KCTD3: variants seen among roughly 807,000 people sequenced by gnomAD.
KCTD3 encodes the protein potassium channel tetramerization domain containing 3.
In KCTD3, 41 loss-of-function variants were observed where a neutral mutation model predicts 85.8. That is an observed-to-expected ratio of 0.48 (90% CI 0.37 to 0.62). KCTD3 has a LOEUF of 0.62. Ranked by LOEUF, KCTD3 falls within the 20% of genes least tolerant of loss-of-function variation. The pLI is 0.00. For synonymous variants in KCTD3, 338 were observed against 345.4 expected (o/e 0.98, Z 0.24); for missense variants, 724 against 989.9 (o/e 0.73, Z 3.60).
intron 10 of KCTD3, among the ~76,000 whole-genome samples, chr1:215,599,563 C>T (rs1019036242): frequency 1.3e-5 from 2 of 152,106 alleles, no homozygotes; most frequent in Non-Finnish European, 2.9e-5. Flanking sequence ...CATGACTGAA[C>T]CATGCATACT....
chr1:215,610,872 C>A lies in KCTD3; in HGVS notation c.1466-953C>A, dbSNP rs1456774105. Among the ~76,000 whole-genome samples, 5 of 151,880 alleles carry A rather than the reference C, an allele frequency of 3.3e-5. No homozygotes were observed. The East Asian group carries it at 5.8e-4, about 18-fold the overall frequency. On this transcript the variant is annotated intron_variant, in intron 14 of 17. Transcript: ENST00000259154. ...TATTTGGAAAGCATTTACGGTGGCACATAGTAAGTACAGTGTAAGTATTAG... is the reference window on the plus strand; with the variant it reads ...TATTTGGAAAGCATTTACGGTGGCAAATAGTAAGTACAGTGTAAGTATTAG...
At chr1:215,578,932 C>A in intron 6 of KCTD3, 68 bp from the exon 7 acceptor site, 2 of 1,095,308 alleles carry the variant, frequency 1.8e-6, no homozygotes, top group Non-Finnish European at 2.6e-6. Context: ...TTCTTTGTCA[C>A]AATGTGATAT....
chr1:215,609,264 G>T (rs73085455), intron 14 of KCTD3, among the ~76,000 whole-genome samples: 11 of 151,886 alleles, frequency 7.2e-5, no homozygotes, highest in African/African-American at 2.7e-4. Flanking sequence ...ACATTTGTTG[G>T]GTGTGGAAGG....
At chr1:215,615,614 C>T (rs868795725) in intron 15 of KCTD3, among the ~76,000 whole-genome samples, 2 of 147,704 alleles carry the variant, frequency 1.4e-5, no homozygotes, top group South Asian at 2.2e-4. Context: ...AGCAGGCCTC[C>T]GTCTCAAGAA....
intron 3 of KCTD3, among the ~76,000 whole-genome samples, chr1:215,575,045 A>G (rs796612367): frequency 3.3e-5 from 5 of 152,260 alleles, no homozygotes; most frequent in African/African-American, 1.2e-4. Flanking sequence ...TGAGGTCAGA[A>G]GTTCAAGACC....
rs187978963 is a variant in KCTD3, at chr1:215,577,906, C to T, written c.317-95C>T. The T allele has an allele frequency of 1.7e-5, 26 of 1,539,044 alleles. No homozygotes were observed. In the East Asian group the frequency reaches 5.7e-4, roughly 34 times the overall value. The stretch of plus-strand genomic sequence containing the variant: ...CTGACTTAATTAAAATTTTCCTTTT[C>T]TTTCCTTATCCTCTTGAACTAGAGA... On this transcript the variant is annotated intron_variant, in intron 5 of 17. Transcript: ENST00000259154.
Position 215,588,550 on chromosome 1 carries a change from T to C in KCTD3, c.817+1865T>C, listed in dbSNP as rs528033378. Among the ~76,000 whole-genome samples the C allele has an allele frequency of 4.6e-5, 7 of 152,226 alleles. No homozygotes were observed. In the East Asian group the frequency reaches 1.2e-3, roughly 25 times the overall value. On this transcript the variant is annotated intron_variant, in intron 9 of 17. Coordinates refer to ENST00000259154, the MANE Select transcript of KCTD3 (RefSeq NM_016121.5). ...TGTGCTAAGTAAGGTACCTGCTGTTTTTACCAAACGTTGCTTTGCATCATC... is the reference window on the plus strand; with the variant it reads ...TGTGCTAAGTAAGGTACCTGCTGTTCTTACCAAACGTTGCTTTGCATCATC...
Position 215,604,219 on chromosome 1 carries a change from C to T in KCTD3, c.1226C>T (p.Ser409Leu). 1.2e-6 allele frequency: 2 copies of T among 1,613,658 alleles called. No homozygotes were observed. The highest frequency in any genetic ancestry group is 1.7e-6 in the Non-Finnish European group (2 of 1,179,628). The change falls in exon 13 of 18, where the codon TCA becomes TTA. Residue 409 changes from serine to leucine, a missense_variant. By Grantham distance (145) the Ser-to-Leu change is moderately radical. Transcript: ENST00000259154. ...VIVQHPETVGSGPQLFQTFTV... is the reference protein window; with the variant it reads ...VIVQHPETVGLGPQLFQTFTV... ...GTACAACACCCAGAGACAGTTGGGTCAGGTCCTCAGCTTTTTCAGACTTTC... is the reference window on the plus strand; with the variant it reads ...GTACAACACCCAGAGACAGTTGGGTTAGGTCCTCAGCTTTTTCAGACTTTC...
rs763447871 is a variant in KCTD3 at position 215,567,662 on chromosome 1, C to G, written c.-24C>G. 193 of 1,226,672 alleles carry G rather than the reference C, an allele frequency of 1.6e-4. 1 individual carries two copies. In the Middle Eastern group the frequency reaches 3.8e-3, roughly 24 times the overall value. The allele number at this position is 1,226,672 out of a possible 1,614,324, so 76.0% of individuals were successfully genotyped here. A position where few individuals can be genotyped will look rare whatever the true frequency, so the allele number is the denominator to read the frequency against. On this transcript the variant is annotated 5_prime_UTR_variant, in exon 1 of 18. Transcript: ENST00000259154. Reference sequence around the variant, plus strand: ...GGTCCCGGCTGGGGAAGGAGGGCGGCGAGCGCGTCCGGAGCCGCCGGAGAT... The same window carrying G: ...GGTCCCGGCTGGGGAAGGAGGGCGGGGAGCGCGTCCGGAGCCGCCGGAGAT...
chr1:215,597,208 C>T (rs1339927924), intron 10 of KCTD3, among the ~76,000 whole-genome samples: 2 of 149,896 alleles, frequency 1.3e-5, no homozygotes, highest in South Asian at 2.1e-4. Flanking sequence ...AAAGCGTTGA[C>T]TCTGATTTGG....
rs1558249879 is a variant in KCTD3 at position 215,621,270 on chromosome 1, C to G, written c.*652C>G. The G allele has an allele frequency of 6.6e-6, 1 of 152,292 alleles. No homozygotes were observed. Among genetic ancestry groups the G allele is most frequent in the South Asian group, 2.1e-4 (1 of 4,826 alleles). 9.4% of individuals were successfully genotyped at this position (152,292 alleles called of 1,614,324 possible). ...TAGCAAGCATTAGCAATATTAAATG[C>G]CAAAATTCCATTGAAACTTTCAAGT... On this transcript the variant is annotated 3_prime_UTR_variant, in exon 18 of 18. Coordinates refer to ENST00000259154, the MANE Select transcript of KCTD3 (RefSeq NM_016121.5).
chr1:215,577,262 A>G (rs901431933), intron 4 of KCTD3, among the ~76,000 whole-genome samples: 3 of 152,058 alleles, frequency 2.0e-5, no homozygotes, highest in Admixed American at 2.0e-4. Context: ...CAGGGAATTT[A>G]TAGTGTAATT....
chr1:215,613,030 G>T (rs1454857411), intron 15 of KCTD3, among the ~76,000 whole-genome samples: 1 of 152,072 alleles, frequency 6.6e-6, no homozygotes, highest in Non-Finnish European at 1.5e-5. Context: ...AATAGCTAAT[G>T]GATGCTGGGT....
intron 10 of KCTD3, among the ~76,000 whole-genome samples, chr1:215,596,542 C>G (rs1165018944): frequency 1.3e-5 from 2 of 152,012 alleles, no homozygotes; most frequent in Non-Finnish European, 2.9e-5. Context: ...CAAAGGGACA[C>G]ATTATATGAT....
chr1:215,577,493 G>C (rs577797653), intron 4 of KCTD3, among the ~76,000 whole-genome samples, 177 bp from the exon 5 acceptor site: 1 of 152,112 alleles, frequency 6.6e-6, no homozygotes, highest in Admixed American at 6.5e-5. Flanking sequence ...TTCACATGCA[G>C]TTTTTATTTA....
chr1:215,580,975 G>A (rs1471389144), intron 8 of KCTD3: 1 of 466,812 alleles, frequency 2.1e-6, no homozygotes, highest in South Asian at 1.6e-5. Flanking sequence ...TTTTAAGAGT[G>A]TTTTGGCTGG....
At chr1:215,575,744 G>A (rs550156511) in intron 3 of KCTD3, among the ~76,000 whole-genome samples, 157 bp from the exon 4 acceptor site, 1 of 152,202 alleles carries the variant, frequency 6.6e-6, no homozygotes, top group African/African-American at 2.4e-5. Flanking sequence ...AATGCACACA[G>A]ACTACATTCC....
chr1:215,568,739 T>G (rs972000722), intron 1 of KCTD3, among the ~76,000 whole-genome samples: 6 of 152,182 alleles, frequency 3.9e-5, no homozygotes, highest in African/African-American at 1.4e-4. Context: ...TTTTAATGTC[T>G]TAGAACCATA....
rs376393927 is a variant in KCTD3 at position 215,591,075 on chromosome 1, T to C, written c.818-4281T>C. ...AAGGCTGTAGTTCTTATTTTTAAGATGTTGCTTTTCTGGAATCTTATTTAA... is the reference window on the plus strand; with the variant it reads ...AAGGCTGTAGTTCTTATTTTTAAGACGTTGCTTTTCTGGAATCTTATTTAA... On this transcript the variant is annotated intron_variant, in intron 9 of 17. Transcript: ENST00000259154. 1.2e-4 allele frequency among the ~76,000 whole-genome samples: 19 copies of C among 152,284 alleles called. No homozygotes were observed. The East Asian group carries it at 2.9e-3, about 23-fold the overall frequency.
Sources: allele counts gnomAD v4.1 joint callset (sites outside exome capture counted in the v4.1 genomes callset), GRCh38; gene constraint gnomAD v4.1.1; transcripts MANE v1.5; gene names NCBI Gene and HGNC (gene_info 2026-07-23, HGNC 2026-07-21).